Variants in PKMYT1 observed in about 807,000 individuals in gnomAD.
PKMYT1 encodes the protein protein kinase, membrane associated tyrosine/threonine 1, also known as membrane-associated tyrosine- and threonine-specific cdc2-inhibitory kinase.
A neutral mutation model predicts 49.7 loss-of-function variants in PKMYT1; 35 were observed. The ratio of observed to expected loss-of-function variants is 0.70; its 90% CI spans 0.54 to 0.93. The LOEUF (loss-of-function observed/expected upper bound fraction) is 0.93, where lower values mean the gene tolerates loss of function less well. Ranked by LOEUF, PKMYT1 falls within the 40% of genes least tolerant of loss-of-function variation. PKMYT1 has a pLI of 0.00. For synonymous variants in PKMYT1, 331 were observed against 287.6 expected (o/e 1.15, Z -1.53); for missense variants, 677 against 673.1 (o/e 1.01, Z -0.06).
intron 3 of PKMYT1, 65 bp downstream of exon 3, chr16:2,976,599 C>A (rs1435503517): frequency 1.4e-6 from 2 of 1,406,532 alleles, no homozygotes; most frequent in Non-Finnish European, 1.9e-6. Flanking sequence ...ACTGTCCTGC[C>A]AAGGGAGGTG....
intron 3 of PKMYT1, 154 bp from the exon 4 acceptor site, chr16:2,975,966 ACAAAAC>A (rs1284365904): frequency 1.3e-6 from 1 of 778,942 alleles, no homozygotes; most frequent in South Asian, 1.9e-5. Context: ...CAGGGTAATA[ACAAAAC>A]CAGACAAACC....
intron 2 of PKMYT1, chr16:2,977,416 A>C: frequency 9.9e-7 from 1 of 1,011,846 alleles, no homozygotes; most frequent in Non-Finnish European, 1.2e-6. Flanking sequence ...CGGGCCCACG[A>C]TCCCTTATCT....
Position 2,975,639 on chromosome 16 carries a change from G to A in PKMYT1, c.552C>T (p.Tyr184=), listed in dbSNP as rs1439888408. ...TGGGCCCGCACAGCTCCGTCTGCAGGTACAGGATGCCGCCCTCCTCCCAGG... is the reference window on the plus strand; with the variant it reads ...TGGGCCCGCACAGCTCCGTCTGCAGATACAGGATGCCGCCCTCCTCCCAGG... ...EQAWEEGGIL[Y]LQTELCGPSL... The change falls in exon 4 of 9, where the codon TAC becomes TAT. Residue 184 remains tyrosine, a synonymous_variant. Transcript: ENST00000262300. The A allele has an allele frequency of 6.2e-7, 1 of 1,611,442 alleles. No homozygotes were observed. The highest frequency in any genetic ancestry group is 1.7e-5 in the Admixed American group (1 of 59,962).
chr16:2,973,481 G>A (rs766130234), intron 7 of PKMYT1: 2 of 1,481,638 alleles, frequency 1.3e-6, no homozygotes, highest in South Asian at 2.5e-5. Flanking sequence ...TTTAGTAAAT[G>A]TAAGCCTTTC....
In PKMYT1 at chr16:2,976,685, G is replaced by C; in HGVS notation, c.357C>G (p.Gly119=). 6.7e-7 allele frequency: 1 copy of C among 1,487,250 alleles called. No individual in the cohort carries two copies. Among genetic ancestry groups the C allele is most frequent in the Non-Finnish European group, 9.0e-7 (1 of 1,116,318 alleles). The allele number at this position is 1,487,250 out of a possible 1,614,324, so 92.1% of individuals were successfully genotyped here. The change falls in exon 3 of 9, where the codon GGC becomes GGG. Residue 119 remains glycine, a synonymous_variant. Coordinates refer to ENST00000262300, the MANE Select transcript of PKMYT1 (RefSeq NM_004203.5). ...SFQRLSRLGH[G]SYGEVFKVRS... is the part of the protein sequence containing the mutation. ...TCACCTTGAAGACCTCTCCGTAGGA[G>C]CCATGGCCCAGGCGGCTGAGCCTCT...
At chr16:2,978,940 G>A (rs1203922449) in intron 2 of PKMYT1, among the ~76,000 whole-genome samples, 2 of 151,338 alleles carry the variant, frequency 1.3e-5, no homozygotes, top group Non-Finnish European at 2.9e-5. Context: ...CTGAGTAGCT[G>A]GGATTACAGG....
intron 2 of PKMYT1, 21 bp downstream of exon 2, chr16:2,979,627 C>T (rs754991377): frequency 1.2e-6 from 2 of 1,602,728 alleles, no homozygotes. Flanking sequence ...GTTCTCCCAC[C>T]GTCCCTGCCC....
In PKMYT1 at chr16:2,975,626, G is replaced by A. The variant is rs370544187; in HGVS notation, c.565C>T (p.Leu189=). ...EGGILYLQTE[L]CGPSLQQHCE... ...TGTTGCTGCAGGCTGGGCCCGCACA[G>A]CTCCGTCTGCAGGTACAGGATGCCG... The change falls in exon 4 of 9, where the codon CTG becomes TTG. Residue 189 remains leucine (L), a synonymous_variant. Transcript: ENST00000262300. 1.6e-5 allele frequency: 25 copies of A among 1,611,360 alleles called. No individual in the cohort carries two copies. Among genetic ancestry groups the A allele is most frequent in the Non-Finnish European group, 2.1e-5 (25 of 1,179,728 alleles).
rs772845108 is a variant in PKMYT1 at position 2,976,364 on chromosome 16, G to T, written c.378+300C>A. ...CAGGGCCAGTGCCAGAGGCTGGGCC[G>T]ACTCGCCAAGGACGCTGCACAGCTG... On this transcript the variant is annotated intron_variant, in intron 3 of 8. Transcript: ENST00000262300. Among the ~76,000 whole-genome samples the T allele has an allele frequency of 7.2e-5, 11 of 152,194 alleles. No homozygotes were observed. In the East Asian group the frequency reaches 1.9e-3, roughly 27 times the overall value.
chr16:2,977,186 A>G, intron 2 of PKMYT1, 155 bp from the exon 3 acceptor site: 1 of 1,463,770 alleles, frequency 6.8e-7, no homozygotes, highest in Non-Finnish European at 9.1e-7. Flanking sequence ...ACCTACCAAG[A>G]AAAGGCAGAG....
chr16:2,977,610 G>A (rs140288557), intron 2 of PKMYT1: 78 of 522,522 alleles, frequency 1.5e-4, no homozygotes, highest in South Asian at 1.4e-3. Flanking sequence ...AAGCCTCTGG[G>A]CATGGTGCCC....
chr16:2,979,948 G>A, intron 1 of PKMYT1, 36 bp from the exon 2 acceptor site: 1 of 497,364 alleles, frequency 2.0e-6, no homozygotes, highest in Middle Eastern at 5.3e-4. Flanking sequence ...TGTCACGAGG[G>A]AAGAGGGGCT....
chr16:2,978,067 G>A (rs553211828), intron 2 of PKMYT1, among the ~76,000 whole-genome samples: 4 of 152,164 alleles, frequency 2.6e-5, no homozygotes, highest in Non-Finnish European at 5.9e-5. Flanking sequence ...CCAACCCAGC[G>A]ACCTGCTCCT....
chr16:2,977,150 T>C, intron 2 of PKMYT1, 119 bp from the exon 3 acceptor site: 1 of 1,507,206 alleles, frequency 6.6e-7, no homozygotes, highest in South Asian at 1.2e-5. Context: ...CTTATTCTAC[T>C]TTAAACGGCA....
intron 2 of PKMYT1, among the ~76,000 whole-genome samples, chr16:2,978,417 C>A (rs1410333716): frequency 6.6e-6 from 1 of 152,158 alleles, no homozygotes; most frequent in East Asian, 1.9e-4. Flanking sequence ...ACAAACCTCA[C>A]TGACCTCAAA....
At chr16:2,977,306 G>C (rs923605238) in intron 2 of PKMYT1, 2 of 1,264,912 alleles carry the variant, frequency 1.6e-6, no homozygotes, top group Non-Finnish European at 2.0e-6. Context: ...GTCGGGTTAA[G>C]AGCAAGGCAG....
chr16:2,976,688 A>G lies in PKMYT1; in HGVS notation c.354T>C (p.His118=), dbSNP rs1284058579. Residue 118 remains histidine (H), a synonymous_variant, in exon 3 of 9, where the codon CAT becomes CAC. Coordinates refer to ENST00000262300, the MANE Select transcript of PKMYT1 (RefSeq NM_004203.5). ...QSFQRLSRLG[H]GSYGEVFKVR... ...CCTTGAAGACCTCTCCGTAGGAGCC[A>G]TGGCCCAGGCGGCTGAGCCTCTGGA... 2.0e-6 allele frequency: 3 copies of G among 1,487,108 alleles called. No individual in the cohort carries two copies. The highest frequency in any genetic ancestry group is 2.7e-6 in the Non-Finnish European group (3 of 1,116,258). The allele number at this position is 1,487,108 out of a possible 1,614,324, so 92.1% of individuals were successfully genotyped here. A position where few individuals can be genotyped will look rare whatever the true frequency, so the allele number is the denominator to read the frequency against.
chr16:2,978,497 C>T (rs1377495156), intron 2 of PKMYT1, among the ~76,000 whole-genome samples: 1 of 152,144 alleles, frequency 6.6e-6, no homozygotes, highest in Non-Finnish European at 1.5e-5. Flanking sequence ...CCTGTAATCC[C>T]AGCATTTTAG....
intron 2 of PKMYT1, among the ~76,000 whole-genome samples, chr16:2,978,255 A>C (rs1449911751): frequency 6.6e-6 from 1 of 152,222 alleles, no homozygotes; most frequent in Non-Finnish European, 1.5e-5. Context: ...TCAAGTTTAA[A>C]GGGGCTGTCA....
Sources: allele counts gnomAD v4.1 joint callset (sites outside exome capture counted in the v4.1 genomes callset), GRCh38; gene constraint gnomAD v4.1.1; transcripts MANE v1.5; gene names NCBI Gene and HGNC (gene_info 2026-07-23, HGNC 2026-07-21).